The following FYB2 variants were observed in gnomAD, a reference collection of about 807,000 sequenced individuals.
FYB2 encodes the protein FYN-binding protein 2.
FYB2 carries 103 observed loss-of-function variants against 94.1 expected under a neutral mutation model. The observed-to-expected ratio is 1.09, with a 90% CI of 0.93 to 1.29. The LOEUF (loss-of-function observed/expected upper bound fraction) is 1.29, where lower values mean the gene tolerates loss of function less well. Among genes scored for constraint, FYB2 ranks in the 50% most tolerant of loss-of-function variants. The pLI is 0.00. For missense variants in FYB2, 896 were observed against 841.5 expected, an observed-to-expected ratio of 1.06 and a Z score of -0.80; for synonymous variants, 293 against 287.9, an observed-to-expected ratio of 1.02 and a Z score of -0.18.
chr1:56,758,655 A>C, intron 6 of FYB2, 61 bp downstream of exon 6: 1 of 1,322,860 alleles, frequency 7.6e-7, no homozygotes, highest in Admixed American at 2.2e-5. Context: ...ATACTACTTT[A>C]GAATCAACCT....
At chr1:56,733,937 T>TCA in intron 15 of FYB2, among the ~76,000 whole-genome samples, 1 of 152,154 alleles carries the variant, frequency 6.6e-6, no homozygotes, top group Non-Finnish European at 1.5e-5. Context: ...GTCCACTTGG[T>TCA]GCAGAGCTGA....
intron 17 of FYB2, among the ~76,000 whole-genome samples, chr1:56,722,451 G>A (rs1444587720): frequency 6.6e-6 from 1 of 152,078 alleles, no homozygotes; most frequent in Admixed American, 6.6e-5. Context: ...GATTGCTCAA[G>A]TATATAGGTA....
chr1:56,741,265 T>A (rs1423357231), intron 12 of FYB2, among the ~76,000 whole-genome samples: 1 of 152,096 alleles, frequency 6.6e-6, no homozygotes, highest in Non-Finnish European at 1.5e-5. Context: ...AAGGGAGTAA[T>A]GATATTTCAA....
intron 15 of FYB2, among the ~76,000 whole-genome samples, chr1:56,730,636 C>T (rs1374239146): frequency 2.6e-5 from 4 of 151,984 alleles, no homozygotes; most frequent in Non-Finnish European, 5.9e-5. Context: ...GAGATTGAAT[C>T]AGTAATAAAG....
At chr1:56,761,321 A>G (rs1299769962) in intron 5 of FYB2, among the ~76,000 whole-genome samples, 1 of 152,192 alleles carries the variant, frequency 6.6e-6, no homozygotes, top group Non-Finnish European at 1.5e-5. Context: ...CTCAATGACA[A>G]TCACTACTAA....
chr1:56,815,374 T>C (rs938253423), intron 1 of FYB2, among the ~76,000 whole-genome samples: 6 of 152,160 alleles, frequency 3.9e-5, no homozygotes, highest in African/African-American at 1.4e-4. Context: ...TCAAAGCTTG[T>C]GCCTTCCTCC....
chr1:56,756,146 T>C (rs976074130), intron 6 of FYB2, among the ~76,000 whole-genome samples: 1 of 152,128 alleles, frequency 6.6e-6, no homozygotes, highest in African/African-American at 2.4e-5. Context: ...TTATAGGTCA[T>C]GCCCAAAGGA....
intron 1 of FYB2, among the ~76,000 whole-genome samples, chr1:56,818,953 G>A (rs1371859114): frequency 6.6e-6 from 1 of 152,186 alleles, no homozygotes; most frequent in Admixed American, 6.5e-5. Flanking sequence ...AACACAGAGA[G>A]AAGCCAGCGG....
chr1:56,773,327 G>C (rs552793432), intron 4 of FYB2, among the ~76,000 whole-genome samples: 1 of 152,298 alleles, frequency 6.6e-6, no homozygotes, highest in South Asian at 2.1e-4. Context: ...GTACGCTCTA[G>C]AGAAGTTGCT....
At chr1:56,728,493 CATT>C (rs1264691707) in intron 15 of FYB2, among the ~76,000 whole-genome samples, 1 of 151,950 alleles carries the variant, frequency 6.6e-6, no homozygotes, top group African/African-American at 2.4e-5. Context: ...GAAAACAGAC[CATT>C]ACAATTCTGA....
At chr1:56,806,253 A>G (rs992743852) in intron 1 of FYB2, among the ~76,000 whole-genome samples, 1 of 152,204 alleles carries the variant, frequency 6.6e-6, no homozygotes, top group African/African-American at 2.4e-5. Context: ...CAGACTGGGG[A>G]CAGAGAGAAC....
intron 18 of FYB2, 24 bp downstream of exon 18, chr1:56,720,149 T>C (rs376055925): frequency 6.3e-7 from 1 of 1,595,442 alleles, no homozygotes; most frequent in Non-Finnish European, 8.5e-7. Flanking sequence ...TGAAATATTA[T>C]GAAAGATAAG....
At chr1:56,744,289 G>C in intron 9 of FYB2, 23 bp from the exon 10 acceptor site, 1 of 1,545,692 alleles carries the variant, frequency 6.5e-7, no homozygotes, top group South Asian at 1.1e-5. Context: ...CAGAAAACCT[G>C]AAAAACATCA....
chr1:56,781,292 A>G (rs1646002662), intron 4 of FYB2, among the ~76,000 whole-genome samples: 1 of 152,164 alleles, frequency 6.6e-6, no homozygotes, highest in Non-Finnish European at 1.5e-5. Flanking sequence ...GTTAATATCA[A>G]CAATGATGGG....
chr1:56,726,537 T>C lies in FYB2; in HGVS notation c.1840A>G (p.Lys614Glu). The C allele has an allele frequency of 6.2e-7, 1 of 1,612,438 alleles. No individual in the cohort carries two copies. Among genetic ancestry groups the C allele is most frequent in the Non-Finnish European group, 8.5e-7 (1 of 1,179,034 alleles). Residue 614 changes from lysine to glutamate, a missense_variant, in exon 16 of 20, where the codon AAG becomes GAG. By Grantham distance (56) the Lys-to-Glu change is moderately conservative. Coordinates refer to ENST00000343433, the MANE Select transcript of FYB2 (RefSeq NM_001004303.5). ...KMWKPKFLTP[K>E]EKKEKNGAEE... ...GCACCGTTTTTCTCTTTTTTTTCCT[T>C]TGGTGTCAGAAACTTGGGCTTCCAC...
intron 6 of FYB2, 112 bp from the exon 7 acceptor site, chr1:56,756,039 A>G: frequency 1.0e-6 from 1 of 983,060 alleles, no homozygotes; most frequent in South Asian, 1.6e-5. Context: ...ATGAAGCCTC[A>G]GTAGAGAGCA....
At chr1:56,815,590 G>A (rs554812226) in intron 1 of FYB2, among the ~76,000 whole-genome samples, 2 of 152,010 alleles carry the variant, frequency 1.3e-5, no homozygotes, top group Non-Finnish European at 2.9e-5. Flanking sequence ...ACTGTAAATG[G>A]GGCACACTGG....
chr1:56,726,602 T>G lies in FYB2; in HGVS notation c.1794-19A>C. On this transcript the variant is annotated intron_variant, in intron 15 of 19. Transcript: ENST00000343433. ...TTCATCTCTGAGGAGAAATATATTT[T>G]GAGCAAGTAAATTAAGACTGAATTA... 1 of 1,587,816 alleles carries G rather than the reference T, an allele frequency of 6.3e-7. No individual in the cohort carries two copies. The highest frequency in any genetic ancestry group is 8.6e-7 in the Non-Finnish European group (1 of 1,160,014).
chr1:56,796,395 TC>T (rs1046254932), intron 1 of FYB2, among the ~76,000 whole-genome samples: 3 of 152,028 alleles, frequency 2.0e-5, no homozygotes, highest in Admixed American at 2.0e-4. Context: ...AGCTAGTCAA[TC>T]CCCAAATCCC....
Sources: allele counts gnomAD v4.1 joint callset (sites outside exome capture counted in the v4.1 genomes callset), GRCh38; gene constraint gnomAD v4.1.1; transcripts MANE v1.5; gene names NCBI Gene and HGNC (gene_info 2026-07-23, HGNC 2026-07-21).